The following JAG2 variants were observed in gnomAD, a reference collection of about 807,000 sequenced individuals.
JAG2 encodes the protein jagged canonical Notch ligand 2, also known as protein jagged-2.
Under a neutral mutation model 141.7 loss-of-function variants are expected in JAG2, and 46 were observed. That is an observed-to-expected ratio of 0.32 (90% CI 0.26 to 0.42). JAG2 has a LOEUF of 0.42. JAG2 is among the 10% of genes least tolerant of loss of function. JAG2 has a pLI of 1.00. For synonymous variants in JAG2, 862 were observed against 763.5 expected, an observed-to-expected ratio of 1.13 and a Z score of -2.13; for missense variants, 1,500 against 1,817.5, an observed-to-expected ratio of 0.83 and a Z score of 3.18.
intron 9 of JAG2, 78 bp from the exon 10 acceptor site, chr14:105,151,182 G>GCCCAGCAGCCCCAGCAGC: frequency 1.4e-5 from 18 of 1,252,316 alleles, no homozygotes; most frequent in Admixed American, 2.1e-5. Context: ...GGCACCCGCA[G>GCCCAGCAGCCCCAGCAGC]CCCAGCAGCC....
Position 105,168,346 on chromosome 14 carries a change from C to CG in JAG2, c.66+8_66+9insC. ...CCGCGACCCCCGCCGCCCCCGCCGC[C>CG]CCGCTCACCTGCACCCAGAGCGCCA... On this transcript the variant is annotated intron_variant, in intron 1 of 25. Coordinates refer to ENST00000331782, the MANE Select transcript of JAG2 (RefSeq NM_002226.5). The CG allele has an allele frequency of 3.2e-6, 3 of 949,292 alleles. No homozygotes were observed. Among genetic ancestry groups the CG allele is most frequent in the Non-Finnish European group, 3.9e-6 (3 of 775,144 alleles). 58.8% of individuals were successfully genotyped at this position (949,292 alleles called of 1,614,324 possible).
rs1400584464 is a variant in JAG2, at chr14:105,168,021, G to A, written c.153C>T (p.Asp51=). 4 of 1,597,554 alleles carry A rather than the reference G, an allele frequency of 2.5e-6. No individual in the cohort carries two copies. Residue 51 remains aspartate (D), a synonymous_variant, in exon 2 of 26, where the codon GAC becomes GAT. Transcript: ENST00000331782. ...NGELLSGACC[D]GDGRTTRAGG... is the part of the protein sequence containing the mutation. ...CCGCGCGCGTTGTCCGGCCGTCGCCGTCACAGCAGGCGCCGCTCAGCAGCT... is the reference window on the plus strand; with the variant it reads ...CCGCGCGCGTTGTCCGGCCGTCGCCATCACAGCAGGCGCCGCTCAGCAGCT...
chr14:105,158,639 C>T (rs1888645403), intron 2 of JAG2, among the ~76,000 whole-genome samples: 1 of 152,074 alleles, frequency 6.6e-6, no homozygotes, highest in Non-Finnish European at 1.5e-5. Context: ...CCTGTACTAC[C>T]CAGCACTGGG....
chr14:105,161,442 C>T (rs587610018), intron 2 of JAG2, among the ~76,000 whole-genome samples: 11 of 152,280 alleles, frequency 7.2e-5, no homozygotes, highest in African/African-American at 2.6e-4. Flanking sequence ...CAGGGAGTTC[C>T]TCTCGACTCC....
chr14:105,163,206 T>C (rs1333318987), intron 2 of JAG2, among the ~76,000 whole-genome samples: 1 of 152,186 alleles, frequency 6.6e-6, no homozygotes, highest in Non-Finnish European at 1.5e-5. Context: ...AAACCTGAGC[T>C]TCTGAGAGGC....
At position 105,167,748 on chromosome 14, in the gene JAG2, C is replaced by T; in HGVS notation, c.417+9G>A. On this transcript the variant is annotated intron_variant, in intron 2 of 25. Coordinates refer to ENST00000331782, the MANE Select transcript of JAG2 (RefSeq NM_002226.5). The surrounding 1 kb of genome is among the most constrained non-coding windows in gnomAD (Gnocchi z 4.8). ...AAGGGCTGGAGCACGAGGGATGGAG[C>T]GCACGTACCGGCCAGGCGAACTGGA... 1.4e-6 allele frequency: 2 copies of T among 1,453,794 alleles called. No homozygotes were observed. Among genetic ancestry groups the T allele is most frequent in the Non-Finnish European group, 1.8e-6 (2 of 1,104,932 alleles). The allele number at this position is 1,453,794 out of a possible 1,614,324, so 90.1% of individuals were successfully genotyped here. A position where few individuals can be genotyped will look rare whatever the true frequency, so the allele number is the denominator to read the frequency against.
chr14:105,147,743 G>T, intron 18 of JAG2, 29 bp downstream of exon 18: 1 of 1,457,842 alleles, frequency 6.9e-7, no homozygotes, highest in Non-Finnish European at 9.4e-7. Flanking sequence ...GAGGAAAGCG[G>T]CCCCCGCCCA....
In JAG2 at chr14:105,148,366, A is replaced by G. The variant is rs776921327; in HGVS notation, c.2094T>C (p.Cys698=). ...RCYDLVNDFY[C]ACDDGWKGKT... ...TGCCCTTCCAGCCGTCGTCGCACGC[A>G]CAGTAGAAGTCATTGACCAGGTCGT... Residue 698 remains cysteine (C), a synonymous_variant, in exon 16 of 26, where the codon TGT becomes TGC. Coordinates refer to ENST00000331782, the MANE Select transcript of JAG2 (RefSeq NM_002226.5). 3 of 1,611,972 alleles carry G rather than the reference A, an allele frequency of 1.9e-6. No individual in the cohort carries two copies. The highest frequency in any genetic ancestry group is 8.5e-7 in the Non-Finnish European group (1 of 1,179,496).
rs587660591 is a variant in JAG2, at chr14:105,167,626, G to C, written c.417+131C>G. ...TCCCCAGAGCACGCGCCCCCTGCCG[G>C]CCCCGCCCCGCCTGGGCGCGCGCGG... On this transcript the variant is annotated intron_variant, in intron 2 of 25. Coordinates refer to ENST00000331782, the MANE Select transcript of JAG2 (RefSeq NM_002226.5). The surrounding 1 kb of genome is among the most constrained non-coding windows in gnomAD (Gnocchi z 4.8). The C allele has an allele frequency of 2.4e-3, 2,618 of 1,085,648 alleles. 5 individuals are homozygous for C. The highest frequency in any genetic ancestry group is 2.8e-3 in the Non-Finnish European group (2,468 of 874,494). The allele number at this position is 1,085,648 out of a possible 1,614,324, so 67.3% of individuals were successfully genotyped here.
chr14:105,168,035 C>T lies in JAG2; in HGVS notation c.139G>A (p.Gly47Ser). 1 of 1,595,326 alleles carries T rather than the reference C, an allele frequency of 6.3e-7. No individual in the cohort carries two copies. Among genetic ancestry groups the T allele is most frequent in the Non-Finnish European group, 8.5e-7 (1 of 1,176,648 alleles). ...LRNVNGELLS[G>S]ACCDGDGRTT... ...CGGCCGTCGCCGTCACAGCAGGCGC[C>T]GCTCAGCAGCTCCCCGTTCACGTTC... The change falls in exon 2 of 26, where the codon GGC becomes AGC. Residue 47 changes from glycine (G) to serine (S), a missense_variant. By Grantham distance (56) the Gly-to-Ser change is moderately conservative. Around this residue, in one of 3 missense-constraint regions of JAG2, gnomAD observed 200 missense variants for 174.3 expected, o/e 1.15. Coordinates refer to ENST00000331782, the MANE Select transcript of JAG2 (RefSeq NM_002226.5).
intron 2 of JAG2, among the ~76,000 whole-genome samples, chr14:105,160,286 T>C (rs1188057119): frequency 1.2e-5 from 1 of 86,954 alleles, no homozygotes; most frequent in East Asian, 3.0e-4. Flanking sequence ...CCCTTGGGGT[T>C]CCCAAGGCTC....
At chr14:105,153,924 C>T (rs1888508948) in intron 5 of JAG2, among the ~76,000 whole-genome samples, 1 of 152,230 alleles carries the variant, frequency 6.6e-6, no homozygotes, top group Non-Finnish European at 1.5e-5. Context: ...CGTAGATCTA[C>T]ATCTACATCT....
rs761052445 is a variant in JAG2, at chr14:105,146,464, G to A, written c.2630C>T (p.Thr877Ile). ...GFGRSCWSRGTPFPHGSSWVE... is the reference protein window; with the variant it reads ...GFGRSCWSRGIPFPHGSSWVE... Reference sequence around the variant, plus strand: ...CCAGGAGCTTCCGTGTGGGAACGGAGTGCCCCGGGACCAGCAGGATCTCCC... The same window carrying A: ...CCAGGAGCTTCCGTGTGGGAACGGAATGCCCCGGGACCAGCAGGATCTCCC... Residue 877 changes from threonine (T) to isoleucine (I), a missense_variant, in exon 22 of 26, where the codon ACT becomes ATT. Thr to Ile is a moderately conservative substitution (Grantham distance 89, BLOSUM62 -1). This residue lies in a region of JAG2 where 875 missense variants were observed against 1,202.2 expected (regional missense o/e 0.73). Coordinates refer to ENST00000331782, the MANE Select transcript of JAG2 (RefSeq NM_002226.5). The A allele has an allele frequency of 5.0e-6, 8 of 1,612,670 alleles. No individual in the cohort carries two copies. The East Asian group carries it at 1.8e-4, about 36-fold the overall frequency.
At chr14:105,147,642 G>C in intron 18 of JAG2, 115 bp from the exon 19 acceptor site, 1 of 1,213,084 alleles carries the variant, frequency 8.2e-7, no homozygotes, top group Non-Finnish European at 1.2e-6. Flanking sequence ...TCATCAAGGA[G>C]GGTGCCTTTT....
chr14:105,163,893 C>T (rs112779211), intron 2 of JAG2, among the ~76,000 whole-genome samples: 10 of 152,028 alleles, frequency 6.6e-5, no homozygotes, highest in Non-Finnish European at 1.2e-4. Flanking sequence ...CTGGGGATAG[C>T]GACTGTGGCT....
At chr14:105,152,484 G>A (rs960168900) in intron 5 of JAG2, among the ~76,000 whole-genome samples, 193 bp from the exon 6 acceptor site, 2 of 152,182 alleles carry the variant, frequency 1.3e-5, no homozygotes, top group Non-Finnish European at 2.9e-5. Flanking sequence ...ATTCCCGGCC[G>A]CTGGCTGCCG....
At chr14:105,159,319 C>T (rs1018370320) in intron 2 of JAG2, among the ~76,000 whole-genome samples, 1 of 151,990 alleles carries the variant, frequency 6.6e-6, no homozygotes, top group Admixed American at 6.5e-5. Context: ...AGTGGGGGGC[C>T]ATCCCCAACC....
At chr14:105,162,973 C>G (rs917725643) in intron 2 of JAG2, among the ~76,000 whole-genome samples, 1 of 152,020 alleles carries the variant, frequency 6.6e-6, no homozygotes, top group Non-Finnish European at 1.5e-5. Context: ...GGGCCCTGCA[C>G]GGTCAAGGCC....
At position 105,143,012 on chromosome 14, in the gene JAG2, T is replaced by C; in HGVS notation, c.3400A>G (p.Ile1134Val). ...CCCGGCCGCTCAATGGGGTTGCGGA[T>C]GGGGTTGAGCGGGGCCCACTGGTTG... is the stretch of plus-strand genomic sequence containing the variant. Reference protein sequence around the residue: ...ANNQWAPLNPIRNPIERPGGH... With the variant: ...ANNQWAPLNPVRNPIERPGGH... Residue 1134 changes from isoleucine (I) to valine (V), a missense_variant, in exon 26 of 26, where the codon ATC (isoleucine) becomes GTC (valine). This residue lies in a region of JAG2 where 425 missense variants were observed against 441.0 expected (regional missense o/e 0.96). Transcript: ENST00000331782. 6.2e-7 allele frequency: 1 copy of C among 1,607,138 alleles called. No individual in the cohort carries two copies. Among genetic ancestry groups the C allele is most frequent in the Non-Finnish European group, 8.5e-7 (1 of 1,179,630 alleles).
Sources: allele counts gnomAD v4.1 joint callset (sites outside exome capture counted in the v4.1 genomes callset), GRCh38; gene constraint gnomAD v4.1.1; regional missense constraint gnomAD v4.1.1; non-coding constraint Gnocchi (gnomAD v3.1); transcripts MANE v1.5; gene names NCBI Gene and HGNC (gene_info 2026-07-23, HGNC 2026-07-21).